The following LRRC4C variants were observed in gnomAD, a reference collection of about 807,000 sequenced individuals.
The protein encoded by LRRC4C is leucine-rich repeat-containing protein 4C.
Under a neutral mutation model 33.6 loss-of-function variants are expected in LRRC4C, and 5 were observed. The observed-to-expected ratio is 0.15, with a 90% CI of 0.08 to 0.31. The LOEUF (loss-of-function observed/expected upper bound fraction) is 0.31. Among genes scored for constraint, LRRC4C ranks in the 10% least tolerant of loss-of-function variants. The pLI is 1.00. For synonymous variants in LRRC4C, 329 were observed against 302.0 expected (o/e 1.09, Z -0.93); for missense variants, 560 against 796.7 (o/e 0.70, Z 3.58).
intron 1 of LRRC4C, among the ~76,000 whole-genome samples, chr11:41,318,086 G>T (rs1002040692): frequency 2.6e-5 from 4 of 152,088 alleles, no homozygotes; most frequent in South Asian, 4.1e-4. Context: ...CATAAAGAGA[G>T]GCCCACTTTA....
chr11:40,819,391 G>A (rs752947076), intron 2 of LRRC4C, among the ~76,000 whole-genome samples: 15 of 152,096 alleles, frequency 9.9e-5, no homozygotes, highest in South Asian at 2.1e-4. Context: ...TTCTTGCCCC[G>A]GAATTCTGCT....
intron 2 of LRRC4C, among the ~76,000 whole-genome samples, chr11:40,652,967 A>T (rs527604601): frequency 1.3e-5 from 2 of 152,138 alleles, no homozygotes; most frequent in East Asian, 3.9e-4. Context: ...TTCTCATGAG[A>T]TTTGATGGTT....
At chr11:41,302,900 ATC>A (rs1302163169) in intron 1 of LRRC4C, among the ~76,000 whole-genome samples, 3 of 152,086 alleles carry the variant, frequency 2.0e-5, no homozygotes, top group South Asian at 2.1e-4. Context: ...ACTCTCCTAA[ATC>A]TCTGTTTGCA....
At chr11:41,448,081 G>A (rs891717741) in intron 1 of LRRC4C, among the ~76,000 whole-genome samples, 1 of 133,120 alleles carries the variant, frequency 7.5e-6, no homozygotes, top group Non-Finnish European at 1.5e-5. Context: ...AGGTTCTACT[G>A]TATTTCACCA....
At chr11:41,216,337 T>C (rs1947060997) in intron 1 of LRRC4C, among the ~76,000 whole-genome samples, 1 of 151,896 alleles carries the variant, frequency 6.6e-6, no homozygotes, top group Non-Finnish European at 1.5e-5. Flanking sequence ...TGCATTTTAA[T>C]GTCAAGAAAG....
intron 1 of LRRC4C, among the ~76,000 whole-genome samples, chr11:41,400,871 A>T (rs1278621225): frequency 6.6e-6 from 1 of 151,846 alleles, no homozygotes; most frequent in Non-Finnish European, 1.5e-5. Context: ...TCCATATTTA[A>T]ATATTGCCTT....
At chr11:40,764,609 T>C (rs1239473446) in intron 2 of LRRC4C, among the ~76,000 whole-genome samples, 1 of 152,066 alleles carries the variant, frequency 6.6e-6, no homozygotes, top group Non-Finnish European at 1.5e-5. Flanking sequence ...CCTTGGGCCT[T>C]GAGTAAACAC....
At chr11:40,633,002 C>A (rs966062962) in intron 3 of LRRC4C, among the ~76,000 whole-genome samples, 1 of 152,122 alleles carries the variant, frequency 6.6e-6, no homozygotes, top group African/African-American at 2.4e-5. Flanking sequence ...TTATCTTTGC[C>A]AAGGCTACTT....
chr11:40,884,533 G>A (rs907546361), intron 2 of LRRC4C, among the ~76,000 whole-genome samples: 1 of 152,080 alleles, frequency 6.6e-6, no homozygotes, highest in Non-Finnish European at 1.5e-5. Flanking sequence ...CCCACCAACA[G>A]TGTAAAAGCA....
intron 2 of LRRC4C, among the ~76,000 whole-genome samples, chr11:40,864,043 C>T (rs1346619530): frequency 6.6e-6 from 1 of 151,734 alleles, no homozygotes; most frequent in African/African-American, 2.4e-5. Context: ...ATGTGATAAA[C>T]ATTTACTTAT....
At chr11:40,421,845 G>T (rs1950534912) in intron 3 of LRRC4C, among the ~76,000 whole-genome samples, 1 of 152,208 alleles carries the variant, frequency 6.6e-6, no homozygotes. Flanking sequence ...GCTTCAGAGG[G>T]AAAATTGGAC....
intron 2 of LRRC4C, among the ~76,000 whole-genome samples, chr11:40,736,032 T>A (rs534655059): frequency 6.6e-6 from 1 of 152,126 alleles, no homozygotes; most frequent in Non-Finnish European, 1.5e-5. Context: ...TTTGTTTGAG[T>A]TCATACGTTC....
intron 1 of LRRC4C, among the ~76,000 whole-genome samples, chr11:41,361,595 A>G (rs1208053137): frequency 2.0e-5 from 3 of 152,206 alleles, no homozygotes; most frequent in East Asian, 1.9e-4. Flanking sequence ...ATTTATATTT[A>G]TGTGTGGACT....
At chr11:40,400,853 T>C (rs1949731358) in intron 3 of LRRC4C, among the ~76,000 whole-genome samples, 1 of 152,138 alleles carries the variant, frequency 6.6e-6, no homozygotes, top group African/African-American at 2.4e-5. Flanking sequence ...GGAGCATCAC[T>C]ATCATCCTAT....
chr11:40,562,342 A>G (rs190553129), intron 3 of LRRC4C, among the ~76,000 whole-genome samples: 98 of 152,324 alleles, frequency 6.4e-4, no homozygotes, highest in African/African-American at 2.3e-3. Flanking sequence ...ATTATTCCCA[A>G]CTTAAAATGC....
intron 1 of LRRC4C, among the ~76,000 whole-genome samples, chr11:40,957,174 C>T (rs1687936473): frequency 6.6e-6 from 1 of 151,590 alleles, no homozygotes; most frequent in Non-Finnish European, 1.5e-5. Context: ...TTTTATTTTT[C>T]TTAAGGCAAG....
At chr11:40,806,832 AG>A (rs1210612740) in intron 2 of LRRC4C, among the ~76,000 whole-genome samples, 1 of 152,164 alleles carries the variant, frequency 6.6e-6, no homozygotes, top group African/African-American at 2.4e-5. Context: ...GCAGGAAGAA[AG>A]GCATATTCCT....
At chr11:40,955,656 A>T (rs1958921268) in intron 1 of LRRC4C, among the ~76,000 whole-genome samples, 1 of 151,726 alleles carries the variant, frequency 6.6e-6, no homozygotes, top group Non-Finnish European at 1.5e-5. Context: ...TCCAAATGTT[A>T]CTTAAAACAG....
intron 4 of LRRC4C, among the ~76,000 whole-genome samples, chr11:40,272,962 C>T (rs572442863): frequency 9.5e-5 from 14 of 147,416 alleles, no homozygotes; most frequent in South Asian, 4.4e-4. Context: ...TGACTTAAGA[C>T]GCTAATTTAT....
Sources: gnomAD v4.1 joint callset for allele counts (sites outside exome capture counted in the v4.1 genomes callset) on GRCh38, gnomAD v4.1.1 for gene constraint, MANE v1.5 for transcripts, NCBI Gene and HGNC (gene_info 2026-07-23, HGNC 2026-07-21) for gene names.